Variants in IGFBP7 observed in about 807,000 individuals in gnomAD.
IGFBP7 encodes the protein insulin like growth factor binding protein 7.
IGFBP7 carries 31 observed loss-of-function variants against 29.4 expected under a neutral mutation model. The ratio of observed to expected loss-of-function variants is 1.05; its 90% CI spans 0.79 to 1.42. The LOEUF (loss-of-function observed/expected upper bound fraction) is 1.42, where lower values mean the gene tolerates loss of function less well. Among genes scored for constraint, IGFBP7 ranks in the 40% most tolerant of loss-of-function variants. The pLI is 0.00. For missense variants in IGFBP7, 393 were observed against 395.5 expected (o/e 0.99, Z 0.05); for synonymous variants, 172 against 174.9 (o/e 0.98, Z 0.13).
chr4:57,048,412 A>G (rs1724420367), intron 1 of IGFBP7, among the ~76,000 whole-genome samples: 2 of 152,194 alleles, frequency 1.3e-5, no homozygotes, highest in African/African-American at 4.8e-5. Context: ...TATTTTAAGA[A>G]TATTTGATTA....
At chr4:57,045,069 G>T (rs1724326552) in intron 1 of IGFBP7, among the ~76,000 whole-genome samples, 1 of 152,136 alleles carries the variant, frequency 6.6e-6, no homozygotes, top group African/African-American at 2.4e-5. Flanking sequence ...ATCGTCAGGG[G>T]ATTCAATATT....
At chr4:57,071,513 T>C (rs907186895) in intron 1 of IGFBP7, among the ~76,000 whole-genome samples, 3 of 152,210 alleles carry the variant, frequency 2.0e-5, no homozygotes, top group African/African-American at 7.2e-5. Flanking sequence ...TCTCTAACAC[T>C]GGCCATGTTG....
rs539232222 is a variant in IGFBP7 at position 57,108,611 on chromosome 4, G to A, written c.475+1266C>T. Among the ~76,000 whole-genome samples, 226 of 151,192 alleles carry A rather than the reference G, an allele frequency of 1.5e-3. 2 individuals are homozygous for A. The highest frequency in any genetic ancestry group is 4.9e-3 in the African/African-American group (203 of 41,162). The stretch of plus-strand genomic sequence containing the variant: ...GGCTGGAGTGCTGTCATGTGATCTC[G>A]GCTCACTGCAACCTCCGCCTCCCAG... On this transcript the variant is annotated intron_variant, in intron 1 of 4. Coordinates refer to ENST00000295666, the MANE Select transcript of IGFBP7 (RefSeq NM_001553.3).
Position 57,031,250 on chromosome 4 carries a change from G to T in IGFBP7, c.*67C>A. ...GATTGGATTAAAAGAAACTTATTAG[G>T]CAAGAACAGGTAATGTAGTTATCCA... On this transcript the variant is annotated 3_prime_UTR_variant, in exon 5 of 5. Coordinates refer to ENST00000295666, the MANE Select transcript of IGFBP7 (RefSeq NM_001553.3). 1.6e-6 allele frequency: 2 copies of T among 1,285,906 alleles called. No homozygotes were observed. Among genetic ancestry groups the T allele is most frequent in the Non-Finnish European group, 2.3e-6 (2 of 886,600 alleles). The allele number at this position is 1,285,906 out of a possible 1,614,324, so 79.7% of individuals were successfully genotyped here. A position where few individuals can be genotyped will look rare whatever the true frequency, so the allele number is the denominator to read the frequency against.
At position 57,047,918 on chromosome 4, in the gene IGFBP7, G is replaced by C. The variant is rs143231923; in HGVS notation, c.476-6985C>G. On this transcript the variant is annotated intron_variant, in intron 1 of 4. Transcript: ENST00000295666. The stretch of plus-strand genomic sequence containing the variant: ...CCTGGCTAAATTTTGTATTTTTTTA[G>C]ATATGGGGTCTTGCCATGTTGGCCA... Among the ~76,000 whole-genome samples the C allele has an allele frequency of 8.4e-3, 1,277 of 152,234 alleles. 17 individuals are homozygous for C. Among genetic ancestry groups the C allele is most frequent in the African/African-American group, 0.029 (1,192 of 41,558 alleles).
rs1051029654 is a variant in IGFBP7 at position 57,032,250 on chromosome 4, C to T, written c.829+176G>A. On this transcript the variant is annotated intron_variant, in intron 4 of 4. Transcript: ENST00000295666. ...TAATAACGATGTTCAGTCACCCATC[C>T]AGATAATCTTTTGGAGTCTCATGCT... 1.3e-5 allele frequency: 18 copies of T among 1,409,732 alleles called. No homozygotes were observed. The South Asian group carries it at 2.8e-4, about 22-fold the overall frequency. 87.3% of individuals were successfully genotyped at this position (1,409,732 alleles called of 1,614,324 possible).
At chr4:57,036,900 A>G (rs1164173343) in intron 2 of IGFBP7, among the ~76,000 whole-genome samples, 1 of 152,234 alleles carries the variant, frequency 6.6e-6, no homozygotes, top group Non-Finnish European at 1.5e-5. Context: ...TGAAACACAC[A>G]TGATAGTAAA....
At chr4:57,076,323 G>T (rs1690753294) in intron 1 of IGFBP7, among the ~76,000 whole-genome samples, 1 of 152,116 alleles carries the variant, frequency 6.6e-6, no homozygotes, top group African/African-American at 2.4e-5. Context: ...CTCTTTACTA[G>T]AACCAACGTA....
intron 1 of IGFBP7, among the ~76,000 whole-genome samples, chr4:57,064,165 C>A (rs557645698): frequency 1.3e-5 from 2 of 152,066 alleles, no homozygotes; most frequent in African/African-American, 4.8e-5. Flanking sequence ...ACGGTGAAAC[C>A]CCATCTCTAC....
rs1724206749 is a variant in IGFBP7, at chr4:57,040,912, G to C, written c.497C>G (p.Pro166Arg). ...CEQGPSIVTP[P>R]KDIWNVTGAQ... is the part of the protein sequence containing the mutation. Reference sequence around the variant, plus strand: ...ACCAGTGACATTCCAGATGTCCTTGGGGGGCGTCACTATGGAAGGACCTGC... The same window carrying C: ...ACCAGTGACATTCCAGATGTCCTTGCGGGGCGTCACTATGGAAGGACCTGC... The change falls in exon 2 of 5, where the codon CCC (proline) becomes CGC (arginine). Residue 166 changes from proline (P) to arginine (R), a missense_variant. Pro to Arg is a moderately radical substitution (Grantham distance 103). Transcript: ENST00000295666. 6.2e-7 allele frequency: 1 copy of C among 1,613,996 alleles called. No individual in the cohort carries two copies. The highest frequency in any genetic ancestry group is 1.7e-5 in the Admixed American group (1 of 60,026).
intron 2 of IGFBP7, among the ~76,000 whole-genome samples, chr4:57,034,415 A>C (rs956951630): frequency 6.6e-6 from 1 of 152,080 alleles, no homozygotes; most frequent in Non-Finnish European, 1.5e-5. Context: ...TTAAGAGCCA[A>C]CCTGACATTT....
intron 1 of IGFBP7, among the ~76,000 whole-genome samples, chr4:57,109,168 G>C (rs1726107518): frequency 6.6e-6 from 1 of 152,140 alleles, no homozygotes; most frequent in African/African-American, 2.4e-5. Context: ...GTGCACGGTG[G>C]TTTATGCCTG....
In IGFBP7 at chr4:57,093,977, C is replaced by T. The variant is rs547435224; in HGVS notation, c.475+15900G>A. ...AGAAATTGCCCAGAAAATATGCTTC[C>T]AATAATTAAAAATGAAGGGTTGAGG... is the stretch of plus-strand genomic sequence containing the variant. On this transcript the variant is annotated intron_variant, in intron 1 of 4. Coordinates refer to ENST00000295666, the MANE Select transcript of IGFBP7 (RefSeq NM_001553.3). 8.5e-5 allele frequency among the ~76,000 whole-genome samples: 13 copies of T among 152,166 alleles called. No individual in the cohort carries two copies. The South Asian group carries it at 1.5e-3, about 17-fold the overall frequency.
chr4:57,091,406 T>C (rs1014436401), intron 1 of IGFBP7, among the ~76,000 whole-genome samples: 16 of 152,228 alleles, frequency 1.1e-4, no homozygotes, highest in African/African-American at 3.9e-4. Flanking sequence ...TGTGTCCGTG[T>C]ACACACCAAC....
intron 1 of IGFBP7, among the ~76,000 whole-genome samples, chr4:57,057,569 T>G (rs543356153): frequency 2.0e-5 from 3 of 152,294 alleles, no homozygotes; most frequent in African/African-American, 7.2e-5. Context: ...GGAAACTCAT[T>G]CTTTAGAGGC....
intron 1 of IGFBP7, among the ~76,000 whole-genome samples, chr4:57,086,093 C>A (rs544820173): frequency 3.9e-5 from 6 of 152,234 alleles, no homozygotes; most frequent in African/African-American, 1.2e-4. Flanking sequence ...GGAGGCCTCA[C>A]AATCATGGTG....
intron 1 of IGFBP7, among the ~76,000 whole-genome samples, chr4:57,058,456 C>G (rs893870194): frequency 1.3e-5 from 2 of 152,148 alleles, no homozygotes; most frequent in Non-Finnish European, 2.9e-5. Context: ...CGCCTACAAC[C>G]ATCTGATCTT....
In IGFBP7 at chr4:57,104,200, C is replaced by T. The variant is rs551065868; in HGVS notation, c.475+5677G>A. On this transcript the variant is annotated intron_variant, in intron 1 of 4. Coordinates refer to ENST00000295666, the MANE Select transcript of IGFBP7 (RefSeq NM_001553.3). The stretch of plus-strand genomic sequence containing the variant: ...GACAAAGTTTCCTTCTTTTTAAAGG[C>T]TGAATAGTATTCTATTGTATATATA... 1.2e-4 allele frequency among the ~76,000 whole-genome samples: 19 copies of T among 152,242 alleles called. No individual in the cohort carries two copies. In the South Asian group the frequency reaches 3.9e-3, roughly 32 times the overall value.
At position 57,072,793 on chromosome 4, in the gene IGFBP7, T is replaced by C. The variant is rs147605928; in HGVS notation, c.476-31860A>G. On this transcript the variant is annotated intron_variant, in intron 1 of 4. Transcript: ENST00000295666. ...TTTTCAAATGGGTGGGGACCATCCA[T>C]TGAGCAGCTGGCACAGCATATGAAG... 4.0e-4 allele frequency: 219 copies of C among 545,964 alleles called. 1 individual carries two copies. The highest frequency in any genetic ancestry group is 3.7e-3 in the African/African-American group (196 of 52,684). 33.8% of individuals were successfully genotyped at this position (545,964 alleles called of 1,614,324 possible).
Sources: allele counts gnomAD v4.1 joint callset (sites outside exome capture counted in the v4.1 genomes callset), GRCh38; gene constraint gnomAD v4.1.1; transcripts MANE v1.5; gene names NCBI Gene and HGNC (gene_info 2026-07-23, HGNC 2026-07-21).